TTC3: variants seen among roughly 807,000 people sequenced by gnomAD.
The protein encoded by TTC3 is tetratricopeptide repeat domain 3, also known as E3 ubiquitin-protein ligase TTC3.
Under a neutral mutation model 249.6 loss-of-function variants are expected in TTC3, and 180 were observed. The ratio of observed to expected loss-of-function variants is 0.72; its 90% CI spans 0.64 to 0.82. TTC3 has a LOEUF of 0.82. TTC3 is among the 40% of genes least tolerant of loss of function. The probability of loss-of-function intolerance (pLI) is 0.00; values close to 1 mark genes in which losing one functional copy is unlikely to be tolerated. For missense variants in TTC3, 2,061 were observed against 2,398.4 expected (o/e 0.86, Z 2.94); for synonymous variants, 717 against 805.0 (o/e 0.89, Z 1.85).
intron 36 of TTC3, 33 bp downstream of exon 36, chr21:37,182,946 T>TA: frequency 6.8e-7 from 1 of 1,481,298 alleles, no homozygotes; most frequent in African/African-American, 1.4e-5. Context: ...TAATTTTTAT[T>TA]TAAAAAAAAA....
rs780444425 is a variant in TTC3 at position 37,195,656 on chromosome 21, T to C, written c.5218-19T>C. 5 of 1,580,752 alleles carry C rather than the reference T, an allele frequency of 3.2e-6. No individual in the cohort carries two copies. In the East Asian group the frequency reaches 6.7e-5, roughly 21 times the overall value. On this transcript the variant is annotated intron_variant, in intron 41 of 45. Transcript: ENST00000355666. ...AAGGGAAGCCCTAAGTGATCCATGG[T>C]GTGGTGTGTTCCTCACAGGTTCATC...
chr21:37,145,854 C>T (rs1247039161), intron 21 of TTC3, among the ~76,000 whole-genome samples: 1 of 152,138 alleles, frequency 6.6e-6, no homozygotes, highest in African/African-American at 2.4e-5. Flanking sequence ...AGAACTCACT[C>T]ACCCCAGGGA....
chr21:37,143,575 T>A (rs1191019189), intron 20 of TTC3, among the ~76,000 whole-genome samples: 1 of 151,788 alleles, frequency 6.6e-6, no homozygotes, highest in Non-Finnish European at 1.5e-5. Context: ...ATGGCGATCA[T>A]TAAAAAGTCA....
intron 21 of TTC3, among the ~76,000 whole-genome samples, chr21:37,144,918 T>C (rs902925585): frequency 6.6e-6 from 1 of 152,106 alleles, no homozygotes; most frequent in Non-Finnish European, 1.5e-5. Context: ...GAAGGTTAAG[T>C]TTAGAGAGGT....
chr21:37,081,078 A>T (rs1402806254), intron 1 of TTC3, among the ~76,000 whole-genome samples: 2 of 136,278 alleles, frequency 1.5e-5, no homozygotes, highest in Non-Finnish European at 3.1e-5. Flanking sequence ...GCTGTTGCTT[A>T]TACAAAGTGT....
At chr21:37,090,673 A>T (rs919521712) in intron 6 of TTC3, 6 of 298,852 alleles carry the variant, frequency 2.0e-5, no homozygotes, top group Non-Finnish European at 3.0e-5. Context: ...GATGCCATAA[A>T]CATCTATGTT....
At chr21:37,073,912 G>T (rs994141334) in intron 1 of TTC3, among the ~76,000 whole-genome samples, 1 of 152,356 alleles carries the variant, frequency 6.6e-6, no homozygotes, top group East Asian at 1.9e-4. Context: ...AGCCTTGCTC[G>T]CGCAAGTGTG....
At position 37,108,294 on chromosome 21, in the gene TTC3, A is replaced by G. The variant is rs577955592; in HGVS notation, c.846-98A>G. 207 of 927,946 alleles carry G rather than the reference A, an allele frequency of 2.2e-4. 1 individual carries two copies. The African/African-American group carries it at 2.9e-3, about 13-fold the overall frequency. The allele number at this position is 927,946 out of a possible 1,614,324, so 57.5% of individuals were successfully genotyped here. Reference sequence around the variant, plus strand: ...TTAATTAAAATTATCTTTTGACTAGATAATATACATGGAAAATTCACAAAG... The same window carrying G: ...TTAATTAAAATTATCTTTTGACTAGGTAATATACATGGAAAATTCACAAAG... On this transcript the variant is annotated intron_variant, in intron 10 of 45. Transcript: ENST00000355666.
chr21:37,107,219 T>C (rs1029800455), intron 10 of TTC3, among the ~76,000 whole-genome samples: 5 of 152,176 alleles, frequency 3.3e-5, no homozygotes, highest in African/African-American at 1.2e-4. Flanking sequence ...CCAGCAAATA[T>C]TAATCTACGT....
exon 20 of TTC3, chr21:37,140,659 T>C: frequency 6.2e-7 from 1 of 1,606,414 alleles, no homozygotes; most frequent in Non-Finnish European, 8.5e-7. Flanking sequence ...GAAAAGTATA[T>C]TTGAAAAAAA....
chr21:37,143,217 A>G (rs558263606), intron 20 of TTC3, among the ~76,000 whole-genome samples: 1 of 152,300 alleles, frequency 6.6e-6, no homozygotes, highest in South Asian at 2.1e-4. Flanking sequence ...CACCAAAAGC[A>G]ATGGCAACAA....
chr21:37,110,417 A>G (rs9983781), intron 11 of TTC3, among the ~76,000 whole-genome samples: 100,052 of 151,272 alleles, frequency 0.66, 33,186 homozygotes, highest in Admixed American at 0.7. Context: ...AAATGCACAA[A>G]CCTCAGTAAC....
At chr21:37,168,158 T>C (rs531397227) in intron 34 of TTC3, among the ~76,000 whole-genome samples, 101 of 152,322 alleles carry the variant, frequency 6.6e-4, no homozygotes, top group African/African-American at 2.4e-3. Context: ...GTCACTGTCT[T>C]GACCAAAACT....
rs577000136 is a variant in TTC3 at position 37,190,311 on chromosome 21, T to C, written c.5025-1023T>C. 1.5e-3 allele frequency among the ~76,000 whole-genome samples: 223 copies of C among 151,904 alleles called. 2 individuals are homozygous for C. The highest frequency in any genetic ancestry group is 4.9e-3 in the African/African-American group (204 of 41,420). On this transcript the variant is annotated intron_variant, in intron 39 of 45. Transcript: ENST00000355666. The stretch of plus-strand genomic sequence containing the variant: ...CCACCACGCCAGGCTGATTTTTGTA[T>C]TTTTAGTAGAGATAGCATTTCACCA...
intron 11 of TTC3, among the ~76,000 whole-genome samples, chr21:37,109,060 A>G (rs915511079): frequency 6.6e-6 from 1 of 152,116 alleles, no homozygotes; most frequent in Non-Finnish European, 1.5e-5. Flanking sequence ...CAATAGAAAT[A>G]AGAAACTATT....
chr21:37,135,930 C>T (rs1292708326), intron 18 of TTC3, among the ~76,000 whole-genome samples: 1 of 152,198 alleles, frequency 6.6e-6, no homozygotes, highest in Non-Finnish European at 1.5e-5. Flanking sequence ...TTTCTGAAAG[C>T]ATGTGCTCAC....
intron 10 of TTC3, chr21:37,097,928 G>A (rs1170457256): frequency 4.2e-6 from 3 of 712,718 alleles, no homozygotes; most frequent in Admixed American, 4.0e-5. Context: ...ACATTCTCAT[G>A]GTAGAAAATT....
chr21:37,195,936 C>G lies in TTC3; in HGVS notation c.5479C>G (p.Pro1827Ala), dbSNP rs375658381. 5.5e-5 allele frequency: 89 copies of G among 1,614,116 alleles called. No individual in the cohort carries two copies. Among genetic ancestry groups the G allele is most frequent in the Non-Finnish European group, 7.1e-5 (84 of 1,180,052 alleles). ...AAGCCCTGTGGCTGATCGGAAGCAG[C>G]CTGTTCCTCCAGGACGTGCTGCGCG... Residue 1827 changes from proline to alanine, a missense_variant, in exon 42 of 46, where the codon CCT (proline) becomes GCT (alanine). Transcript: ENST00000355666.
At chr21:37,118,492 A>G (rs911002486) in intron 11 of TTC3, among the ~76,000 whole-genome samples, 1 of 152,180 alleles carries the variant, frequency 6.6e-6, no homozygotes, top group South Asian at 2.1e-4. Context: ...TCTATATCAT[A>G]TAGGATACAA....
Sources: allele counts gnomAD v4.1 joint callset (sites outside exome capture counted in the v4.1 genomes callset), GRCh38; gene constraint gnomAD v4.1.1; transcripts MANE v1.5; gene names NCBI Gene and HGNC (gene_info 2026-07-23, HGNC 2026-07-21).